The following DENND2B variants were observed in gnomAD, a reference collection of about 807,000 sequenced individuals.
DENND2B encodes DENN domain-containing protein 2B.
In DENND2B, 32 loss-of-function variants were observed where a neutral mutation model predicts 116.0. That is an observed-to-expected ratio of 0.28 (90% confidence interval 0.21 to 0.37). DENND2B has a LOEUF of 0.37. Among genes scored for constraint, DENND2B ranks in the 10% least tolerant of loss-of-function variants. DENND2B has a pLI of 1.00. For synonymous variants in DENND2B, 588 were observed against 583.9 expected (o/e 1.01, Z -0.10); for missense variants, 1,276 against 1,477.7 (o/e 0.86, Z 2.24).
chr11:8,819,789 C>T (rs913908746), intron 4 of DENND2B, among the ~76,000 whole-genome samples: 1 of 152,204 alleles, frequency 6.6e-6, no homozygotes, highest in Non-Finnish European at 1.5e-5. Flanking sequence ...TAAGGAGACG[C>T]AGCAACTAAA....
intron 2 of DENND2B, among the ~76,000 whole-genome samples, chr11:8,860,398 C>T: frequency 6.6e-6 from 1 of 152,064 alleles, no homozygotes; most frequent in Non-Finnish European, 1.5e-5. Flanking sequence ...TATATACCAA[C>T]AACCACCAAG....
chr11:8,810,122 G>A (rs959145326), intron 1 of DENND2B: 1 of 150,264 alleles, frequency 6.7e-6, no homozygotes, highest in African/African-American at 2.5e-5. Flanking sequence ...GTGTTCACTA[G>A]GACGAACAAG....
At chr11:8,870,594 T>C (rs1594317766) in intron 2 of DENND2B, among the ~76,000 whole-genome samples, 1 of 137,524 alleles carries the variant, frequency 7.3e-6, no homozygotes. Flanking sequence ...GGAGCTCGAA[T>C]GCCGCCACCG....
chr11:8,742,425 T>C (rs1396350172), intron 2 of DENND2B, among the ~76,000 whole-genome samples: 1 of 152,180 alleles, frequency 6.6e-6, no homozygotes, highest in African/African-American at 2.4e-5. Context: ...AAACAGTGAC[T>C]TTTGGGCTGT....
At chr11:8,906,730 A>G (rs2064243816) in intron 1 of DENND2B, among the ~76,000 whole-genome samples, 1 of 152,086 alleles carries the variant, frequency 6.6e-6, no homozygotes. Context: ...CAAGATGACA[A>G]TTTTGATAAT....
intron 2 of DENND2B, among the ~76,000 whole-genome samples, chr11:8,735,330 G>A (rs1431680986): frequency 6.6e-6 from 1 of 152,154 alleles, no homozygotes; most frequent in Non-Finnish European, 1.5e-5. Context: ...GCCTACAACT[G>A]CCTGACTCAT....
At chr11:8,852,628 C>T (rs75554482) in intron 3 of DENND2B, among the ~76,000 whole-genome samples, 9,533 of 152,252 alleles carry the variant, frequency 0.063, 560 homozygotes, top group African/African-American at 0.15. Context: ...GTAGTTATAA[C>T]AATGTATGCA....
In DENND2B at chr11:8,712,861, C is replaced by G. The variant is rs1305283428; in HGVS notation, c.1988-126G>C. On this transcript the variant is annotated intron_variant, in intron 8 of 19. Transcript: ENST00000313726. This position sits in a 1 kb window ranked among gnomAD's most constrained non-coding sequence, Gnocchi z 4.4. ...ACGTGAGCCTAGTCTGATACCATCC[C>G]CAGCTCACAGTGCAGGAGGACCGGC... The G allele has an allele frequency of 9.9e-7, 1 of 1,009,764 alleles. No homozygotes were observed. Among genetic ancestry groups the G allele is most frequent in the Non-Finnish European group, 1.4e-6 (1 of 710,826 alleles). 62.6% of individuals were successfully genotyped at this position (1,009,764 alleles called of 1,614,324 possible). A position where few individuals can be genotyped will look rare whatever the true frequency, so the allele number is the denominator to read the frequency against.
upstream of DENND2B, among the ~76,000 whole-genome samples, chr11:8,812,679 G>C (rs1007902270): frequency 3.3e-5 from 5 of 152,110 alleles, no homozygotes; most frequent in Admixed American, 2.0e-4. Context: ...ATGTGCCATT[G>C]GGCAAGTCCC....
intron 11 of DENND2B, among the ~76,000 whole-genome samples, chr11:8,710,181 G>A (rs374387336): frequency 1.1e-4 from 17 of 152,300 alleles, no homozygotes; most frequent in African/African-American, 3.8e-4. Flanking sequence ...CTCCAAGCTG[G>A]GAGTGCAGCA....
chr11:8,696,626 G>A lies in DENND2B; in HGVS notation c.3093C>T (p.Ile1031=), dbSNP rs2133666417. The A allele has an allele frequency of 6.2e-7, 1 of 1,614,128 alleles. No individual in the cohort carries two copies. The highest frequency in any genetic ancestry group is 8.5e-7 in the Non-Finnish European group (1 of 1,180,030). Reference sequence around the variant, plus strand: ...GCCCAACGGTCTCCACAAAGAACCGGATAAACACCTCCGACACCAGCCCAT... The same window carrying A: ...GCCCAACGGTCTCCACAAAGAACCGAATAAACACCTCCGACACCAGCCCAT... The part of the protein sequence containing the change: ...TLNGLVSEVF[I]RFFVETVGHY... The change falls in exon 18 of 20, where the codon ATC becomes ATT. Residue 1031 remains isoleucine (I), a synonymous_variant. Transcript: ENST00000313726.
rs1188519485 is a variant in DENND2B at position 8,695,506 on chromosome 11, T to C, written c.3336A>G (p.Pro1112=). Residue 1112 remains proline (P), a synonymous_variant, in exon 19 of 20, where the codon CCA becomes CCG. Transcript: ENST00000313726. ...QRVEQYLEEL[P]DTEQSGMNKF... is the part of the protein sequence containing the mutation. ...TATTCATTCCACTCTGCTCAGTGTCTGGGAGTTCTTCTAAGTACTGCTCCA... is the reference window on the plus strand; with the variant it reads ...TATTCATTCCACTCTGCTCAGTGTCCGGGAGTTCTTCTAAGTACTGCTCCA... 1 of 1,614,008 alleles carries C rather than the reference T, an allele frequency of 6.2e-7. No individual in the cohort carries two copies. The highest frequency in any genetic ancestry group is 8.5e-7 in the Non-Finnish European group (1 of 1,180,020).
In DENND2B at chr11:8,816,332, G is replaced by C. The variant is rs568757700; in HGVS notation, c.-114-4997C>G. Among the ~76,000 whole-genome samples the C allele has an allele frequency of 5.7e-4, 87 of 152,250 alleles. 1 individual carries two copies. The highest frequency in any genetic ancestry group is 2.0e-3 in the African/African-American group (84 of 41,524). On this transcript the variant is annotated intron_variant, in intron 4 of 6. Transcript: ENST00000524757. Reference sequence around the variant, plus strand: ...AGGCTGGGGTGGGAGAATTGCTTGAGCCCAGGAGTTCAAGACTAGCCTGGG... The same window carrying C: ...AGGCTGGGGTGGGAGAATTGCTTGACCCCAGGAGTTCAAGACTAGCCTGGG...
chr11:8,775,141 A>G (rs1288396563), intron 1 of DENND2B, among the ~76,000 whole-genome samples: 1 of 152,054 alleles, frequency 6.6e-6, no homozygotes, highest in Non-Finnish European at 1.5e-5. Context: ...TTGACCTCCC[A>G]AAGGGCTGAG....
intron 2 of DENND2B, among the ~76,000 whole-genome samples, chr11:8,869,849 G>C (rs2063715827): frequency 1.3e-5 from 2 of 152,070 alleles, no homozygotes. Flanking sequence ...AAGGGAGATA[G>C]GCTGTGAACA....
chr11:8,716,269 C>G (rs1293949187), intron 5 of DENND2B, among the ~76,000 whole-genome samples: 3 of 152,226 alleles, frequency 2.0e-5, no homozygotes, highest in Non-Finnish European at 4.4e-5. Flanking sequence ...ATCCTGCAGC[C>G]TGGCCCTCCT....
At chr11:8,808,160 AAGAAG>A (rs1465006084) in intron 1 of DENND2B, 1 of 152,174 alleles carries the variant, frequency 6.6e-6, no homozygotes, top group Non-Finnish European at 1.5e-5. Context: ...CCCAGCCCCC[AAGAAG>A]CCTTTCGGAG....
intron 1 of DENND2B, among the ~76,000 whole-genome samples, chr11:8,767,561 C>A (rs1001345416): frequency 2.0e-5 from 3 of 152,182 alleles, no homozygotes; most frequent in African/African-American, 7.2e-5. Flanking sequence ...TTAAAAGGAA[C>A]TGGCACATAA....
At chr11:8,772,257 T>C (rs1014212380) in intron 1 of DENND2B, among the ~76,000 whole-genome samples, 33 of 152,058 alleles carry the variant, frequency 2.2e-4, no homozygotes, top group African/African-American at 7.5e-4. Context: ...GGGTTAATAG[T>C]AAGTCAACTG....
Sources: gnomAD v4.1 joint callset for allele counts (sites outside exome capture counted in the v4.1 genomes callset) on GRCh38, gnomAD v4.1.1 for gene constraint, Gnocchi (gnomAD v3.1) non-coding constraint, MANE v1.5 for transcripts, NCBI Gene and HGNC (gene_info 2026-07-23, HGNC 2026-07-21) for gene names.